Variants in BRINP1 observed in about 807,000 individuals in gnomAD.
BRINP1 encodes BMP/retinoic acid inducible neural specific 1.
Under a neutral mutation model 72.9 loss-of-function variants are expected in BRINP1, and 17 were observed. The ratio of observed to expected loss-of-function variants is 0.23; its 90% CI spans 0.16 to 0.35. The LOEUF (loss-of-function observed/expected upper bound fraction) is 0.35. Ranked by LOEUF, BRINP1 falls within the 10% of genes least tolerant of loss-of-function variation. BRINP1 has a pLI of 1.00. For missense variants in BRINP1, 850 were observed against 1,001.6 expected, an observed-to-expected ratio of 0.85 and a Z score of 2.04; for synonymous variants, 418 against 378.5, an observed-to-expected ratio of 1.10 and a Z score of -1.21.
At chr9:119,309,922 A>G (rs1295682294) in intron 2 of BRINP1, among the ~76,000 whole-genome samples, 3 of 152,236 alleles carry the variant, frequency 2.0e-5, no homozygotes, top group Admixed American at 2.0e-4. Flanking sequence ...GTTAAATTCT[A>G]AAACAATAAA....
chr9:119,171,726 T>C (rs1829412706), intron 7 of BRINP1, among the ~76,000 whole-genome samples: 1 of 115,890 alleles, frequency 8.6e-6, no homozygotes, highest in African/African-American at 3.7e-5. Context: ...GACCACATAG[T>C]TGGAAGTAAA....
At chr9:119,169,298 G>C (rs544640660) in intron 7 of BRINP1, among the ~76,000 whole-genome samples, 104 of 152,368 alleles carry the variant, frequency 6.8e-4, no homozygotes, top group African/African-American at 2.4e-3. Flanking sequence ...GAAGCAGGGC[G>C]AGGCATTGCC....
intron 7 of BRINP1, among the ~76,000 whole-genome samples, chr9:119,205,253 G>A (rs1257046711): frequency 6.6e-6 from 1 of 152,160 alleles, no homozygotes; most frequent in African/African-American, 2.4e-5. Flanking sequence ...TAGTGTCTGT[G>A]TGCTCCTACC....
chr9:119,204,449 G>T (rs1829832290), intron 7 of BRINP1, among the ~76,000 whole-genome samples: 2 of 147,534 alleles, frequency 1.4e-5, no homozygotes, highest in African/African-American at 4.8e-5. Flanking sequence ...ACATTTCTTT[G>T]AAGTAACAAT....
At chr9:119,314,733 A>G (rs562356019) in intron 1 of BRINP1, among the ~76,000 whole-genome samples, 1 of 152,278 alleles carries the variant, frequency 6.6e-6, no homozygotes, top group African/African-American at 2.4e-5. Flanking sequence ...TAGAAACAGT[A>G]ATATTTCAGG....
At chr9:119,300,438 A>T (rs1830927859) in intron 2 of BRINP1, among the ~76,000 whole-genome samples, 2 of 152,226 alleles carry the variant, frequency 1.3e-5, no homozygotes, top group Admixed American at 6.5e-5. Context: ...CCCTGATGTG[A>T]TTACTATGCA....
intron 7 of BRINP1, among the ~76,000 whole-genome samples, chr9:119,170,020 A>G (rs1829383127): frequency 1.3e-5 from 2 of 152,186 alleles, no homozygotes; most frequent in Admixed American, 1.3e-4. Flanking sequence ...ATAAAACCAC[A>G]AAGATGGGGA....
chr9:119,250,076 G>T, intron 2 of BRINP1, among the ~76,000 whole-genome samples: 1 of 94,090 alleles, frequency 1.1e-5, no homozygotes, highest in Non-Finnish European at 2.5e-5. Flanking sequence ...AAGGAAGGAA[G>T]GAAGAAAGGA....
intron 7 of BRINP1, among the ~76,000 whole-genome samples, chr9:119,175,501 C>T (rs528807543): frequency 6.6e-6 from 1 of 152,118 alleles, no homozygotes; most frequent in South Asian, 2.1e-4. Context: ...GCACATGTAT[C>T]CCAAAACTTA....
chr9:119,230,891 C>G (rs941106678), intron 5 of BRINP1, among the ~76,000 whole-genome samples: 2 of 151,970 alleles, frequency 1.3e-5, no homozygotes, highest in Non-Finnish European at 2.9e-5. Flanking sequence ...TTGACCCCAT[C>G]TCCCTTCCCT....
intron 4 of BRINP1, among the ~76,000 whole-genome samples, chr9:119,241,697 C>G (rs182880604): frequency 1.3e-5 from 2 of 152,254 alleles, no homozygotes; most frequent in African/African-American, 4.8e-5. Context: ...GCTGCTATCT[C>G]TGAGACCTCG....
chr9:119,296,474 C>G (rs1014929009), intron 2 of BRINP1, among the ~76,000 whole-genome samples: 1 of 152,104 alleles, frequency 6.6e-6, no homozygotes, highest in African/African-American at 2.4e-5. Flanking sequence ...CAAAAAATTA[C>G]AACTAGAACT....
intron 5 of BRINP1, among the ~76,000 whole-genome samples, chr9:119,221,570 G>C (rs1830042018): frequency 6.6e-6 from 1 of 152,276 alleles, no homozygotes; most frequent in South Asian, 2.1e-4. Flanking sequence ...CTGTCTCCAT[G>C]ATGGGTCATT....
intron 2 of BRINP1, among the ~76,000 whole-genome samples, chr9:119,267,636 CAATAAATAAATAAATAAATAAATA>C (rs139819911): frequency 0.21 from 30,248 of 145,078 alleles, 3,212 homozygotes; most frequent in Admixed American, 0.26. Flanking sequence ...AACTCCATCT[CAATAAATAAATAAATAAATAAATA>C]AATAAATAAA....
At chr9:119,341,867 G>A (rs756437760) in intron 1 of BRINP1, among the ~76,000 whole-genome samples, 31 of 152,156 alleles carry the variant, frequency 2.0e-4, no homozygotes, top group Admixed American at 1.3e-3. Flanking sequence ...AGGTTCAAGC[G>A]ATTCTACTGA....
intron 3 of BRINP1, among the ~76,000 whole-genome samples, chr9:119,242,576 T>G (rs1388271056): frequency 6.6e-6 from 1 of 152,152 alleles, no homozygotes; most frequent in Non-Finnish European, 1.5e-5. Context: ...TTCTCATTCT[T>G]TTCTCCTCCT....
chr9:119,186,339 C>G (rs905349766), intron 7 of BRINP1, among the ~76,000 whole-genome samples: 1 of 151,952 alleles, frequency 6.6e-6, no homozygotes, highest in Non-Finnish European at 1.5e-5. Context: ...AAGCCACACC[C>G]AAGTCAGGAG....
At chr9:119,245,517 G>T (rs575420999) in intron 3 of BRINP1, among the ~76,000 whole-genome samples, 1 of 152,194 alleles carries the variant, frequency 6.6e-6, no homozygotes, top group South Asian at 2.1e-4. Flanking sequence ...TTTCTTGTGT[G>T]TTTTTCCCTT....
intron 2 of BRINP1, among the ~76,000 whole-genome samples, chr9:119,293,608 T>C (rs1830842928): frequency 1.3e-5 from 2 of 152,212 alleles, no homozygotes; most frequent in African/African-American, 4.8e-5. Context: ...TCACACTGGA[T>C]AAATAATTTA....
Sources: gnomAD v4.1 joint callset for allele counts (sites outside exome capture counted in the v4.1 genomes callset) on GRCh38, gnomAD v4.1.1 for gene constraint, MANE v1.5 for transcripts, NCBI Gene and HGNC (gene_info 2026-07-23, HGNC 2026-07-21) for gene names.